Variants in PCNX2 observed in about 807,000 individuals in gnomAD.
PCNX2 encodes pecanex-like protein 2.
In PCNX2, 168 loss-of-function variants were observed where a neutral mutation model predicts 223.8. The observed-to-expected ratio is 0.75, with a 90% confidence interval of 0.66 to 0.85. PCNX2 has a LOEUF of 0.85. Among genes scored for constraint, PCNX2 ranks in the 40% least tolerant of loss-of-function variants. The pLI, the probability that PCNX2 is intolerant of heterozygous loss-of-function variation, is 0.00. For missense variants in PCNX2, 2,507 were observed against 2,675.5 expected (o/e 0.94, Z 1.39); for synonymous variants, 1,006 against 1,052.6 (o/e 0.96, Z 0.86).
At chr1:233,227,989 A>C (rs1008518135) in intron 9 of PCNX2, among the ~76,000 whole-genome samples, 3 of 152,160 alleles carry the variant, frequency 2.0e-5, no homozygotes, top group African/African-American at 7.2e-5. Context: ...TTGAAAAAAA[A>C]AAATTAGTCT....
chr1:233,298,394 G>T (rs1459207334), upstream of PCNX2, among the ~76,000 whole-genome samples: 3 of 152,206 alleles, frequency 2.0e-5, no homozygotes, highest in Admixed American at 1.3e-4. Context: ...CAGCCATTTT[G>T]AGGATTAAAG....
the PCNX2 span, among the ~76,000 whole-genome samples, chr1:233,322,008 A>T: frequency 6.6e-6 from 1 of 152,320 alleles, no homozygotes; most frequent in African/African-American, 2.4e-5. Flanking sequence ...TAAGATAATA[A>T]GCGAAGCAGT....
intron 9 of PCNX2, chr1:233,231,664 A>G: frequency 1.3e-5 from 13 of 985,064 alleles, no homozygotes; most frequent in Non-Finnish European, 1.6e-5. Context: ...AAGAGTGAAC[A>G]GTAGACAGAA....
At chr1:233,298,421 GT>G (rs1192668704), upstream of PCNX2, among the ~76,000 whole-genome samples, 3 of 152,172 alleles carry the variant, frequency 2.0e-5, no homozygotes, top group African/African-American at 7.2e-5. Flanking sequence ...AAGTGGGCAG[GT>G]GCCTAATTGT....
the PCNX2 span, among the ~76,000 whole-genome samples, chr1:233,307,206 A>C: frequency 0.019 from 2,950 of 152,294 alleles, 116 homozygotes; most frequent in African/African-American, 0.067. Flanking sequence ...TTGGATATTT[A>C]TTCCTTCCAA....
intron 15 of PCNX2, among the ~76,000 whole-genome samples, chr1:233,189,385 A>G (rs1444601967): frequency 6.6e-6 from 1 of 152,236 alleles, no homozygotes; most frequent in African/African-American, 2.4e-5. Flanking sequence ...AAATATATTT[A>G]TACTTCAAGT....
At chr1:233,141,258 A>AAC (rs1440860650) in intron 19 of PCNX2, among the ~76,000 whole-genome samples, 5 of 152,162 alleles carry the variant, frequency 3.3e-5, no homozygotes, top group African/African-American at 1.2e-4. Context: ...AAGTATCATA[A>AAC]ACACACACAC....
At position 233,019,657 on chromosome 1, in the gene PCNX2, G is replaced by A. The variant is rs565890614; in HGVS notation, c.4606-2503C>T. Among the ~76,000 whole-genome samples, 13 of 152,246 alleles carry A rather than the reference G, an allele frequency of 8.5e-5. No homozygotes were observed. The South Asian group carries it at 2.7e-3, about 32-fold the overall frequency. On this transcript the variant is annotated intron_variant, in intron 26 of 33. Coordinates refer to ENST00000258229, the MANE Select transcript of PCNX2 (RefSeq NM_014801.4). ...CAGGATGAGCGTGGGACTCAGAGGG[G>A]AGGCAGGCAGTGGCAGCAGTAGCAG...
At chr1:233,261,358 T>C (rs761611857) in intron 3 of PCNX2, 37 bp from the exon 4 acceptor site, 2 of 1,600,372 alleles carry the variant, frequency 1.2e-6, no homozygotes, top group Non-Finnish European at 1.7e-6. Flanking sequence ...AATAGATGAC[T>C]CAGCTGACCG....
At chr1:233,076,775 T>C (rs1673114682) in intron 23 of PCNX2, among the ~76,000 whole-genome samples, 1 of 152,246 alleles carries the variant, frequency 6.6e-6, no homozygotes, top group African/African-American at 2.4e-5. Flanking sequence ...AAATTTATTA[T>C]ATGCAAGTTT....
chr1:233,298,118 C>G (rs1662202901), upstream of PCNX2, among the ~76,000 whole-genome samples: 1 of 151,944 alleles, frequency 6.6e-6, no homozygotes, highest in South Asian at 2.1e-4. Flanking sequence ...TGAGAGAGAT[C>G]AGCAGATAGT....
rs572046961 is a variant in PCNX2, at chr1:233,058,069, C to T, written c.4077-779G>A. The stretch of plus-strand genomic sequence containing the variant: ...AGAATGAAAGCTCTCGGATCATCTG[C>T]AGCCATGGTAACAAGTGGCCACTAG... On this transcript the variant is annotated intron_variant, in intron 23 of 33. Transcript: ENST00000258229. 101 of 984,904 alleles carry T rather than the reference C, an allele frequency of 1.0e-4. No homozygotes were observed. In the African/African-American group the frequency reaches 1.7e-3, roughly 16 times the overall value. The allele number at this position is 984,904 out of a possible 1,614,324, so 61.0% of individuals were successfully genotyped here. A position where few individuals can be genotyped will look rare whatever the true frequency, so the allele number is the denominator to read the frequency against.
chr1:233,066,029 A>T lies in PCNX2; in HGVS notation c.4077-8739T>A, dbSNP rs143496904. 1.9e-3 allele frequency among the ~76,000 whole-genome samples: 293 copies of T among 152,188 alleles called. 2 individuals are homozygous for T. The highest frequency in any genetic ancestry group is 6.1e-3 in the African/African-American group (252 of 41,528). ...TTGACCAATCAGCATGCACTCCCCC[A>T]TTCCGAGCCCATAAAAACCCTGGAC... On this transcript the variant is annotated intron_variant, in intron 23 of 33. Transcript: ENST00000258229.
intron 21 of PCNX2, among the ~76,000 whole-genome samples, chr1:233,099,865 C>T (rs1042483052): frequency 1.3e-5 from 2 of 152,122 alleles, no homozygotes; most frequent in Non-Finnish European, 2.9e-5. Context: ...AGCAGGGCCG[C>T]AAGCACTATA....
chr1:233,177,725 A>G, intron 17 of PCNX2, 77 bp downstream of exon 17: 1 of 1,257,882 alleles, frequency 7.9e-7, no homozygotes. Context: ...CCACCTGCCT[A>G]GAGCTCCATT....
intron 1 of PCNX2, among the ~76,000 whole-genome samples, chr1:233,272,693 G>A (rs960930664): frequency 2.0e-5 from 3 of 152,122 alleles, no homozygotes; most frequent in African/African-American, 7.2e-5. Context: ...TACTTGCACA[G>A]GCATGTTTAT....
intron 17 of PCNX2, among the ~76,000 whole-genome samples, chr1:233,175,761 A>G (rs1679442890): frequency 6.6e-6 from 1 of 152,068 alleles, no homozygotes; most frequent in South Asian, 2.1e-4. Flanking sequence ...CCTGCTTTTA[A>G]ATGTATCTCT....
rs1293099419 is a variant in PCNX2, at chr1:233,018,930, C to T, written c.4606-1776G>A. The stretch of plus-strand genomic sequence containing the variant: ...AAAACGAATATTGGGTGGACGGAAA[C>T]GAAGTCTTCAGTGACTGACGCTTGT... On this transcript the variant is annotated intron_variant, in intron 26 of 33. Coordinates refer to ENST00000258229, the MANE Select transcript of PCNX2 (RefSeq NM_014801.4). The T allele has an allele frequency of 3.2e-5, 32 of 985,414 alleles. No individual in the cohort carries two copies. The South Asian group carries it at 9.9e-4, about 30-fold the overall frequency. The allele number at this position is 985,414 out of a possible 1,614,324, so 61.0% of individuals were successfully genotyped here.
intron 23 of PCNX2, among the ~76,000 whole-genome samples, chr1:233,071,705 T>A (rs1672863569): frequency 1.3e-5 from 2 of 152,194 alleles, no homozygotes; most frequent in South Asian, 4.1e-4. Context: ...TGTTTTTAGG[T>A]CTTTGAAGAA....
Sources: allele counts gnomAD v4.1 joint callset (sites outside exome capture counted in the v4.1 genomes callset), GRCh38; gene constraint gnomAD v4.1.1; transcripts MANE v1.5; gene names NCBI Gene and HGNC (gene_info 2026-07-23, HGNC 2026-07-21).